The following RAD50 variants were observed in gnomAD, a reference collection of about 807,000 sequenced individuals.
RAD50 encodes the protein DNA repair protein RAD50.
Under a neutral mutation model 168.8 loss-of-function variants are expected in RAD50, and 132 were observed. The observed-to-expected ratio is 0.78, with a 90% CI of 0.68 to 0.90. The LOEUF (loss-of-function observed/expected upper bound fraction) is 0.90. Ranked by LOEUF, RAD50 falls within the 40% of genes least tolerant of loss-of-function variation. The probability of loss-of-function intolerance (pLI) is 0.00; values close to 1 mark genes in which losing one functional copy is unlikely to be tolerated. For synonymous variants in RAD50, 525 were observed against 497.4 expected (o/e 1.06, Z -0.74); for missense variants, 1,347 against 1,534.4 (o/e 0.88, Z 2.04).
At chr5:132,637,277 G>T (rs954311289) in intron 22 of RAD50, 77 bp downstream of exon 22, 1 of 1,551,874 alleles carries the variant, frequency 6.4e-7, no homozygotes, top group Non-Finnish European at 8.8e-7. Context: ...CTCTCATCAT[G>T]CCAGCATTAC....
At chr5:132,604,727 G>T in intron 15 of RAD50, 79 bp from the exon 16 acceptor site, 2 of 1,228,454 alleles carry the variant, frequency 1.6e-6, no homozygotes, top group Admixed American at 2.0e-5. Context: ...TCCATAGACC[G>T]ATAAAAATGG....
intron 21 of RAD50, among the ~76,000 whole-genome samples, chr5:132,632,187 T>A (rs1357537428): frequency 1.3e-5 from 2 of 152,244 alleles, no homozygotes; most frequent in Non-Finnish European, 1.5e-5. Context: ...CATATGTGAT[T>A]TTTTTCCTAC....
At chr5:132,594,710 A>G (rs376221160) in intron 11 of RAD50, among the ~76,000 whole-genome samples, 159 bp from the exon 12 acceptor site, 2 of 152,340 alleles carry the variant, frequency 1.3e-5, no homozygotes, top group African/African-American at 4.8e-5. Context: ...GAGTTAAGGC[A>G]GAAGTGGACT....
intron 19 of RAD50, 123 bp downstream of exon 19, chr5:132,609,519 C>A: frequency 6.9e-7 from 1 of 1,454,882 alleles, no homozygotes. Context: ...TGGTGGCTCA[C>A]ACCTGTAATC....
At chr5:132,584,492 G>A (rs571764280) in intron 5 of RAD50, among the ~76,000 whole-genome samples, 1 of 152,208 alleles carries the variant, frequency 6.6e-6, no homozygotes, top group Admixed American at 6.5e-5. Flanking sequence ...TTCTTTTGCT[G>A]TGCAGAAGCT....
chr5:132,559,379 A>G lies in RAD50; in HGVS notation c.213+12A>G, dbSNP rs2149831345. 1 of 1,596,876 alleles carries G rather than the reference A, an allele frequency of 6.3e-7. No individual in the cohort carries two copies. The highest frequency in any genetic ancestry group is 8.5e-7 in the Non-Finnish European group (1 of 1,172,094). Reference sequence around the variant, plus strand: ...TACACGATCCCAAGGTAATGGTGCTAGTACAATTTTGTATTTTTATAATTA... The same window carrying G: ...TACACGATCCCAAGGTAATGGTGCTGGTACAATTTTGTATTTTTATAATTA... On this transcript the variant is annotated intron_variant, in intron 2 of 24. Coordinates refer to ENST00000378823, the MANE Select transcript of RAD50 (RefSeq NM_005732.4).
chr5:132,594,595 G>T (rs1396622025), intron 11 of RAD50, among the ~76,000 whole-genome samples: 1 of 152,158 alleles, frequency 6.6e-6, no homozygotes, highest in Non-Finnish European at 1.5e-5. Context: ...CTTAACCTGG[G>T]ATCAAAGACC....
rs1310654203 is a variant in RAD50 at position 132,591,368 on chromosome 5, A to G, written c.1597A>G (p.Thr533Ala). The stretch of plus-strand genomic sequence containing the variant: ...GATGGAGCAGTTAAACCATCATACA[A>G]CAACACGTACCCAAATGGAGATGCT... ...QEMEQLNHHT[T>A]TRTQMEMLTK... The change falls in exon 10 of 25, where the codon ACA becomes GCA. Residue 533 changes from threonine (T) to alanine (A), a missense_variant. This residue lies in a region of RAD50 where 703 missense variants were observed against 767.7 expected (regional missense o/e 0.92). Coordinates refer to ENST00000378823, the MANE Select transcript of RAD50 (RefSeq NM_005732.4). The G allele has an allele frequency of 7.4e-6, 12 of 1,613,936 alleles. No individual in the cohort carries two copies. Among genetic ancestry groups the G allele is most frequent in the Non-Finnish European group, 1.0e-5 (12 of 1,179,924 alleles).
chr5:132,603,494 G>GT lies in RAD50; in HGVS notation c.2397+8dup, dbSNP rs763910750. ...ACAATTATGGAGAGGTTCCAGGTAAGTTTATTGTAGTTTAAGGCAGAATAA... is the reference window on the plus strand; with the variant it reads ...ACAATTATGGAGAGGTTCCAGGTAAGTTTTATTGTAGTTTAAGGCAGAATAA... On this transcript the variant is annotated splice_donor_region_variant and intron_variant, in intron 14 of 24. Coordinates refer to ENST00000378823, the MANE Select transcript of RAD50 (RefSeq NM_005732.4). 1.2e-6 allele frequency: 2 copies of GT among 1,612,270 alleles called. No homozygotes were observed. Among genetic ancestry groups the GT allele is most frequent in the East Asian group, 4.5e-5 (2 of 44,800 alleles).
intron 21 of RAD50, among the ~76,000 whole-genome samples, chr5:132,621,903 A>AT (rs929548354): frequency 6.6e-6 from 1 of 151,730 alleles, no homozygotes; most frequent in Non-Finnish European, 1.5e-5. Flanking sequence ...AATTTTGGGG[A>AT]TTTTTCATAC....
Position 132,557,372 on chromosome 5 carries a change from AAT to A in RAD50, c.50_51del (p.Ile17ArgfsTer5). 1 of 1,614,122 alleles carries A rather than the reference AAT, an allele frequency of 6.2e-7. No individual in the cohort carries two copies. The highest frequency in any genetic ancestry group is 8.5e-7 in the Non-Finnish European group (1 of 1,179,928). On this transcript the variant is annotated frameshift_variant, in exon 1 of 25. Transcript: ENST00000378823. LOFTEE classifies it high-confidence loss of function. Reference protein sequence around the residue: ...MSILGVRSFGIEDKDKQIITF... With the variant: ...MSILGVRSFGXEDKDKQIITF... ...GCATTCTGGGCGTGCGGAGTTTTGG[AAT>A]AGAGGACAAAGATAAGCAAATTATC...
intron 20 of RAD50, among the ~76,000 whole-genome samples, chr5:132,616,458 G>T (rs983825017): frequency 1.3e-5 from 2 of 152,170 alleles, no homozygotes; most frequent in Non-Finnish European, 2.9e-5. Flanking sequence ...CCTTGTCTGG[G>T]TCAGAGCTTG....
At chr5:132,601,242 C>A (rs1750882365) in intron 13 of RAD50, among the ~76,000 whole-genome samples, 1 of 152,172 alleles carries the variant, frequency 6.6e-6, no homozygotes, top group South Asian at 2.1e-4. Flanking sequence ...AGGTGATTCA[C>A]CAGCCTCAGC....
rs142481787 is a variant in RAD50 at position 132,572,423 on chromosome 5, A to G, written c.214-3354A>G. 2.1e-3 allele frequency among the ~76,000 whole-genome samples: 327 copies of G among 152,282 alleles called. 3 individuals are homozygous for G. Among genetic ancestry groups the G allele is most frequent in the African/African-American group, 7.0e-3 (289 of 41,554 alleles). On this transcript the variant is annotated intron_variant, in intron 2 of 24. Transcript: ENST00000378823. ...ATGAGAAAAATGGAGGACAATAACC[A>G]AAAAACCCTAAATAAAGTAAAAGGA... is the stretch of plus-strand genomic sequence containing the variant.
At chr5:132,590,423 T>C (rs1027367847) in intron 9 of RAD50, among the ~76,000 whole-genome samples, 1 of 152,146 alleles carries the variant, frequency 6.6e-6, no homozygotes, top group African/African-American at 2.4e-5. Context: ...TGAGCCAAGA[T>C]TGCGCCACTG....
At chr5:132,572,431 CTAAA>C (rs938334827) in intron 2 of RAD50, among the ~76,000 whole-genome samples, 6 of 151,766 alleles carry the variant, frequency 4.0e-5, no homozygotes, top group African/African-American at 1.5e-4. Flanking sequence ...CCAAAAAACC[CTAAA>C]TAAAGTAAAA....
chr5:132,622,613 G>A (rs1246519106), intron 21 of RAD50, among the ~76,000 whole-genome samples: 1 of 152,086 alleles, frequency 6.6e-6, no homozygotes. Flanking sequence ...TTAGTATTTT[G>A]ATTCCTTCTT....
Position 132,646,092 on chromosome 5 carries a change from C to CAAAAAAAAAAAAAAAAAAAA in RAD50, c.*3730_*3749dup, listed in dbSNP as rs757145249. 5.2e-5 allele frequency: 4 copies of CAAAAAAAAAAAAAAAAAAAA among 77,132 alleles called. 1 individual carries two copies. Among genetic ancestry groups the CAAAAAAAAAAAAAAAAAAAA allele is most frequent in the Non-Finnish European group, 7.6e-5 (3 of 39,682 alleles). 4.8% of individuals were successfully genotyped at this position (77,132 alleles called of 1,614,324 possible). ...CAGAGTGAGACCCTGTCTAAAAAGACAAAAAAAAAAAAAAAAAAAAAGCAG... is the reference window on the plus strand; with the variant it reads ...CAGAGTGAGACCCTGTCTAAAAAGACAAAAAAAAAAAAAAAAAAAAAAAAAAAAAAAAAAAAAAAAAGCAG... On this transcript the variant is annotated 3_prime_UTR_variant, in exon 25 of 25. Coordinates refer to ENST00000378823, the MANE Select transcript of RAD50 (RefSeq NM_005732.4).
chr5:132,580,145 A>G (rs1750481250), intron 5 of RAD50, 79 bp downstream of exon 5: 2 of 1,236,510 alleles, frequency 1.6e-6, no homozygotes, highest in Admixed American at 1.9e-5. Context: ...ATAAGTATAC[A>G]TCGTGGACTG....
Sources: gnomAD v4.1 joint callset for allele counts (sites outside exome capture counted in the v4.1 genomes callset) on GRCh38, gnomAD v4.1.1 for gene constraint, gnomAD v4.1.1 regional missense constraint, MANE v1.5 for transcripts, NCBI Gene and HGNC (gene_info 2026-07-23, HGNC 2026-07-21) for gene names.